The following KLHL32 variants were observed in gnomAD, a reference collection of about 807,000 sequenced individuals.
KLHL32 encodes kelch like family member 32, also known as kelch-like protein 32.
A neutral mutation model predicts 64.8 loss-of-function variants in KLHL32; 35 were observed. The ratio of observed to expected loss-of-function variants is 0.54; its 90% CI spans 0.41 to 0.72. The LOEUF is 0.72. Ranked by LOEUF, KLHL32 falls within the 30% of genes least tolerant of loss-of-function variation. KLHL32 has a pLI of 0.00. For synonymous variants in KLHL32, 259 were observed against 281.0 expected (o/e 0.92, Z 0.78); for missense variants, 589 against 768.5 (o/e 0.77, Z 2.76).
intron 8 of KLHL32, among the ~76,000 whole-genome samples, chr6:97,129,508 T>C (rs12524602): frequency 0.057 from 8,657 of 152,314 alleles, 343 homozygotes; most frequent in Middle Eastern, 0.11. Flanking sequence ...TTAAGAAAGG[T>C]TGGGCATACT....
Position 97,114,208 on chromosome 6 carries a change from A to G in KLHL32, c.1053A>G (p.Ala351=). Residue 351 remains alanine, a synonymous_variant, in exon 7 of 11, where the codon GCA becomes GCG. Transcript: ENST00000369261. The part of the protein sequence containing the change: ...VAVMGDFLFV[A]GGEVEHASGR... ...TCATGGGGGACTTCCTGTTTGTGGCAGGAGGGGAAGTTGAGCATGCCAGTG... is the reference window on the plus strand; with the variant it reads ...TCATGGGGGACTTCCTGTTTGTGGCGGGAGGGGAAGTTGAGCATGCCAGTG... The G allele has an allele frequency of 3.7e-6, 6 of 1,614,136 alleles. No homozygotes were observed. Among genetic ancestry groups the G allele is most frequent in the Non-Finnish European group, 5.1e-6 (6 of 1,180,024 alleles).
At chr6:96,931,823 T>A (rs1454568445) in intron 1 of KLHL32, among the ~76,000 whole-genome samples, 1 of 152,182 alleles carries the variant, frequency 6.6e-6, no homozygotes, top group Non-Finnish European at 1.5e-5. Flanking sequence ...ATGACATCAG[T>A]GCCAAGTCTT....
At chr6:96,977,142 A>G (rs541521173) in intron 3 of KLHL32, among the ~76,000 whole-genome samples, 1 of 152,384 alleles carries the variant, frequency 6.6e-6, no homozygotes, top group South Asian at 2.1e-4. Context: ...CTTGTGATTC[A>G]CATGGTGAGC....
At chr6:97,097,924 T>C (rs1007143309) in intron 6 of KLHL32, among the ~76,000 whole-genome samples, 1 of 152,184 alleles carries the variant, frequency 6.6e-6, no homozygotes, top group Non-Finnish European at 1.5e-5. Context: ...AAGGCCCCAT[T>C]CTATCACTAG....
At chr6:97,022,819 G>A (rs1782198578) in intron 3 of KLHL32, among the ~76,000 whole-genome samples, 1 of 152,126 alleles carries the variant, frequency 6.6e-6, no homozygotes, top group Non-Finnish European at 1.5e-5. Context: ...TTTTCATACT[G>A]CTATAAAGAA....
chr6:96,946,938 A>G (rs1212669348), intron 1 of KLHL32, among the ~76,000 whole-genome samples: 1 of 151,954 alleles, frequency 6.6e-6, no homozygotes, highest in African/African-American at 2.4e-5. Context: ...TGGGTTCTAT[A>G]TACTTATTAA....
intron 3 of KLHL32, among the ~76,000 whole-genome samples, chr6:96,981,260 A>C (rs1404285572): frequency 2.6e-5 from 4 of 152,156 alleles, no homozygotes; most frequent in African/African-American, 9.7e-5. Context: ...CTGTACAGGG[A>C]TTCAAATTTT....
At chr6:96,938,205 A>C (rs1770844277) in intron 1 of KLHL32, among the ~76,000 whole-genome samples, 1 of 152,240 alleles carries the variant, frequency 6.6e-6, no homozygotes, top group South Asian at 2.1e-4. Flanking sequence ...AATTTGCTGT[A>C]TATTTACCAA....
rs1421969646 is a variant in KLHL32 at position 97,076,033 on chromosome 6, T to G, written c.412-9093T>G. Among the ~76,000 whole-genome samples the G allele has an allele frequency of 1.3e-5, 2 of 152,150 alleles. 1 individual carries two copies. Among genetic ancestry groups the G allele is most frequent in the Non-Finnish European group, 2.9e-5 (2 of 68,020 alleles). On this transcript the variant is annotated intron_variant, in intron 5 of 10. Transcript: ENST00000369261. ...TCTTTCAAATAAGGTCATAAAGAAA[T>G]GCAGCTCCCCCATCCGTAGATTTCT... is the stretch of plus-strand genomic sequence containing the variant.
intron 6 of KLHL32, among the ~76,000 whole-genome samples, chr6:97,085,601 C>T (rs888951596): frequency 6.6e-6 from 1 of 152,164 alleles, no homozygotes; most frequent in Admixed American, 6.5e-5. Context: ...CAGAACCTAA[C>T]GTGGTCACAT....
At chr6:96,958,952 C>T (rs950719443) in intron 1 of KLHL32, among the ~76,000 whole-genome samples, 1 of 152,098 alleles carries the variant, frequency 6.6e-6, no homozygotes, top group African/African-American at 2.4e-5. Flanking sequence ...CACTTTGGAC[C>T]CTCATCCCTC....
chr6:97,082,778 G>A (rs922013329), intron 5 of KLHL32, among the ~76,000 whole-genome samples: 1 of 152,132 alleles, frequency 6.6e-6, no homozygotes, highest in Non-Finnish European at 1.5e-5. Flanking sequence ...TCATATAGAT[G>A]TGGAAGGCAT....
intron 1 of KLHL32, among the ~76,000 whole-genome samples, chr6:96,955,210 A>T (rs568259906): frequency 2.6e-5 from 4 of 152,174 alleles, no homozygotes; most frequent in Non-Finnish European, 5.9e-5. Flanking sequence ...GGGGAGACAC[A>T]TTCAGTCCAC....
chr6:97,018,425 T>TAAA (rs59522299), intron 3 of KLHL32, among the ~76,000 whole-genome samples: 4 of 135,316 alleles, frequency 3.0e-5, no homozygotes, highest in Middle Eastern at 8.0e-3. Flanking sequence ...TGTCTCTACT[T>TAAA]AAAAAAAAAA....
intron 6 of KLHL32, among the ~76,000 whole-genome samples, chr6:97,086,737 C>T (rs2128181018): frequency 6.6e-6 from 1 of 152,246 alleles, no homozygotes; most frequent in Non-Finnish European, 1.5e-5. Context: ...AACAGGTTGA[C>T]AAGGATCTGT....
At chr6:96,999,606 C>A in intron 3 of KLHL32, 1 of 684,796 alleles carries the variant, frequency 1.5e-6, no homozygotes, top group Non-Finnish European at 1.8e-6. Context: ...CTGATGACAA[C>A]TTTATTTTTC....
intron 2 of KLHL32, among the ~76,000 whole-genome samples, chr6:96,974,603 T>C (rs977649511): frequency 6.6e-6 from 1 of 152,224 alleles, no homozygotes; most frequent in Non-Finnish European, 1.5e-5. Flanking sequence ...GTTTTTTCTT[T>C]CCATATTTCT....
chr6:96,923,435 T>C (rs1768826000), upstream of KLHL32, among the ~76,000 whole-genome samples: 1 of 152,216 alleles, frequency 6.6e-6, no homozygotes, highest in Non-Finnish European at 1.5e-5. Context: ...TTGTTTGTCA[T>C]TCTTTCCCTT....
intron 3 of KLHL32, among the ~76,000 whole-genome samples, chr6:97,002,866 A>G (rs1028062772): frequency 5.3e-5 from 8 of 152,196 alleles, no homozygotes; most frequent in African/African-American, 1.9e-4. Flanking sequence ...TTCCATGGTG[A>G]ATATGTACTA....
Sources: allele counts gnomAD v4.1 joint callset (sites outside exome capture counted in the v4.1 genomes callset), GRCh38; gene constraint gnomAD v4.1.1; transcripts MANE v1.5; gene names NCBI Gene and HGNC (gene_info 2026-07-23, HGNC 2026-07-21).